CADM2: variants seen among roughly 807,000 people sequenced by gnomAD.
CADM2 encodes the protein cell adhesion molecule 2, also known as immunoglobulin superfamily member 4D.
Under a neutral mutation model 49.8 loss-of-function variants are expected in CADM2, and 12 were observed. The ratio of observed to expected loss-of-function variants is 0.24; its 90% CI spans 0.15 to 0.39. The LOEUF (loss-of-function observed/expected upper bound fraction) is 0.39, where lower values mean the gene tolerates loss of function less well. Among genes scored for constraint, CADM2 ranks in the 10% least tolerant of loss-of-function variants. CADM2 has a pLI of 1.00. For synonymous variants in CADM2, 214 were observed against 175.4 expected (o/e 1.22, Z -1.74); for missense variants, 378 against 492.3 (o/e 0.77, Z 2.20).
intron 1 of CADM2, among the ~76,000 whole-genome samples, chr3:85,693,106 G>C (rs1173643670): frequency 6.6e-6 from 1 of 151,764 alleles, no homozygotes; most frequent in African/African-American, 2.4e-5. Flanking sequence ...AAAATTAGCC[G>C]GGCGTGGTGG....
chr3:85,007,536 A>G (rs561650585), intron 1 of CADM2, among the ~76,000 whole-genome samples: 2 of 152,332 alleles, frequency 1.3e-5, no homozygotes, highest in Non-Finnish European at 2.9e-5. Flanking sequence ...TTGTGATAGT[A>G]ATAAAGTAAA....
chr3:85,261,994 A>G (rs1205009976), intron 1 of CADM2, among the ~76,000 whole-genome samples: 1 of 152,088 alleles, frequency 6.6e-6, no homozygotes, highest in Non-Finnish European at 1.5e-5. Context: ...ACACTTCCAC[A>G]TCTTTAAAAA....
intron 1 of CADM2, among the ~76,000 whole-genome samples, chr3:84,970,490 A>G (rs1345152210): frequency 2.6e-5 from 4 of 151,778 alleles, no homozygotes; most frequent in African/African-American, 9.7e-5. Flanking sequence ...TTTTCTTCAC[A>G]TTTTAAAAAT....
chr3:85,502,894 A>G (rs1414924348), intron 1 of CADM2, among the ~76,000 whole-genome samples: 6 of 152,182 alleles, frequency 3.9e-5, no homozygotes, highest in Non-Finnish European at 2.9e-5. Context: ...CCCTCATGAT[A>G]TAACCTTTTT....
intron 1 of CADM2, among the ~76,000 whole-genome samples, chr3:85,090,026 T>C (rs1205967544): frequency 6.6e-6 from 1 of 152,098 alleles, no homozygotes; most frequent in African/African-American, 2.4e-5. Flanking sequence ...TTTTAGTTAA[T>C]CTCAAATTTT....
Position 85,547,094 on chromosome 3 carries a change from A to AATAT in CADM2, c.62-179418_62-179415dup, listed in dbSNP as rs142343184. Reference sequence around the variant, plus strand: ...ATGTTGAATTTATACTATTTTGATGAATATATATATATACATCAAAATTAT... The same window carrying AATAT: ...ATGTTGAATTTATACTATTTTGATGAATATATATATATATATACATCAAAATTAT... On this transcript the variant is annotated intron_variant, in intron 1 of 9. Transcript: ENST00000383699. 1.1e-3 allele frequency among the ~76,000 whole-genome samples: 160 copies of AATAT among 150,644 alleles called. 3 individuals carry two copies. The highest frequency in any genetic ancestry group is 5.7e-3 in the East Asian group (29 of 5,090).
At chr3:85,830,340 G>C (rs1315201699) in intron 3 of CADM2, among the ~76,000 whole-genome samples, 1 of 151,714 alleles carries the variant, frequency 6.6e-6, no homozygotes, top group South Asian at 2.1e-4. Flanking sequence ...TTTCTATTCA[G>C]GTCCTTTGCC....
chr3:85,154,608 G>A (rs1033622474), intron 1 of CADM2, among the ~76,000 whole-genome samples: 2 of 151,346 alleles, frequency 1.3e-5, no homozygotes, highest in Admixed American at 6.6e-5. Flanking sequence ...GATACTCCTC[G>A]AGAAGAGCAA....
chr3:85,646,533 C>T (rs889173710), intron 1 of CADM2, among the ~76,000 whole-genome samples: 1 of 151,940 alleles, frequency 6.6e-6, no homozygotes, highest in African/African-American at 2.4e-5. Flanking sequence ...ATTCTCATCA[C>T]TGTATCAACT....
chr3:85,466,243 T>C (rs1223277774), intron 1 of CADM2, among the ~76,000 whole-genome samples: 3 of 152,152 alleles, frequency 2.0e-5, no homozygotes, highest in African/African-American at 7.2e-5. Context: ...TATTAAGGCT[T>C]AATGAACACT....
intron 1 of CADM2, among the ~76,000 whole-genome samples, chr3:85,445,703 G>T (rs1467694987): frequency 6.6e-6 from 1 of 152,018 alleles, no homozygotes; most frequent in Non-Finnish European, 1.5e-5. Context: ...TAGTGGGAGG[G>T]ACAGAAATAA....
At chr3:85,498,971 T>C (rs1243759548) in intron 1 of CADM2, among the ~76,000 whole-genome samples, 4 of 152,174 alleles carry the variant, frequency 2.6e-5, no homozygotes, top group African/African-American at 9.7e-5. Flanking sequence ...ATGTTTTCCA[T>C]GTTAAAAACC....
chr3:85,267,616 AT>A (rs905181728), intron 1 of CADM2, among the ~76,000 whole-genome samples: 2 of 150,790 alleles, frequency 1.3e-5, no homozygotes, highest in African/African-American at 4.8e-5. Context: ...GATGGCAGGG[AT>A]TTTTTTTTAC....
intron 7 of CADM2, among the ~76,000 whole-genome samples, chr3:85,958,815 T>G (rs945983778): frequency 2.6e-5 from 4 of 151,618 alleles, no homozygotes; most frequent in African/African-American, 9.7e-5. Flanking sequence ...ACCAAACACT[T>G]CATGTTCTCA....
chr3:85,068,509 G>A (rs1276425565), intron 1 of CADM2, among the ~76,000 whole-genome samples: 1 of 152,024 alleles, frequency 6.6e-6, no homozygotes, highest in African/African-American at 2.4e-5. Context: ...AGAACATTGA[G>A]GAAATAGGAA....
At chr3:85,995,083 A>G (rs1306710588) in intron 8 of CADM2, among the ~76,000 whole-genome samples, 1 of 151,738 alleles carries the variant, frequency 6.6e-6, no homozygotes, top group Non-Finnish European at 1.5e-5. Context: ...AATGAAATAT[A>G]GGCTACACAA....
chr3:85,685,632 T>G (rs2066184448), intron 1 of CADM2, among the ~76,000 whole-genome samples: 1 of 148,526 alleles, frequency 6.7e-6, no homozygotes, highest in African/African-American at 2.5e-5. Context: ...TTTTTTTTTT[T>G]TTTGTTTTTA....
In CADM2 at chr3:85,915,743, T is replaced by A. The variant is rs1037148203; in HGVS notation, c.700+3200T>A. Among the ~76,000 whole-genome samples, 3 of 152,142 alleles carry A rather than the reference T, an allele frequency of 2.0e-5. No homozygotes were observed. In the East Asian group the frequency reaches 5.8e-4, roughly 29 times the overall value. On this transcript the variant is annotated intron_variant, in intron 6 of 9. Coordinates refer to ENST00000383699, the MANE Select transcript of CADM2 (RefSeq NM_001167675.2). ...TGGGATTTATGGAGCATAATTTTAG[T>A]ATTTCTCCATTGTTTGACAATATTC...
chr3:85,997,151 G>T (rs1163361530), intron 8 of CADM2, among the ~76,000 whole-genome samples: 1 of 152,184 alleles, frequency 6.6e-6, no homozygotes, highest in Non-Finnish European at 1.5e-5. Context: ...ATATTTGAAG[G>T]TTTAGGTGTT....
Sources: allele counts gnomAD v4.1 joint callset (sites outside exome capture counted in the v4.1 genomes callset), GRCh38; gene constraint gnomAD v4.1.1; transcripts MANE v1.5; gene names NCBI Gene and HGNC (gene_info 2026-07-23, HGNC 2026-07-21).